UMAD1: variants seen among roughly 807,000 people sequenced by gnomAD.
The protein encoded by UMAD1 is UBAP1-MVB12-associated (UMA)-domain containing protein 1.
A neutral mutation model predicts 6.1 loss-of-function variants in UMAD1; 8 were observed. That is an observed-to-expected ratio of 1.30 (90% CI 0.76 to 2.35). The LOEUF (loss-of-function observed/expected upper bound fraction) is 2.35, where lower values mean the gene tolerates loss of function less well. Among genes scored for constraint, UMAD1 ranks in the 30% most tolerant of loss-of-function variants. The pLI is 0.00. For missense variants in UMAD1, 130 were observed against 78.4 expected (o/e 1.66, Z -2.49); for synonymous variants, 56 against 31.4 (o/e 1.78, Z -2.61).
chr7:7,878,219 G>A lies in UMAD1; in HGVS notation c.*681G>A, dbSNP rs368159030. 6.6e-6 allele frequency: 1 copy of A among 152,286 alleles called. No homozygotes were observed. Among genetic ancestry groups the A allele is most frequent in the Non-Finnish European group, 1.5e-5 (1 of 68,120 alleles). 9.4% of individuals were successfully genotyped at this position (152,286 alleles called of 1,614,324 possible). A position where few individuals can be genotyped will look rare whatever the true frequency, so the allele number is the denominator to read the frequency against. ...TGTTCTCTGCCTTTTTGCTACTTCA[G>A]TGTGCTCTCTGACCAGCTTTCCAAA... On this transcript the variant is annotated 3_prime_UTR_variant, in exon 4 of 4. Coordinates refer to ENST00000682710, the MANE Select transcript of UMAD1 (RefSeq NM_001302348.2).
At chr7:7,807,387 T>TTTA (rs1269150851) in intron 3 of UMAD1, among the ~76,000 whole-genome samples, 1 of 152,108 alleles carries the variant, frequency 6.6e-6, no homozygotes, top group Non-Finnish European at 1.5e-5. Flanking sequence ...GTGAAATTGC[T>TTTA]TTACACACGT....
chr7:7,786,473 A>G (rs1325820185), intron 2 of UMAD1, among the ~76,000 whole-genome samples: 1 of 152,178 alleles, frequency 6.6e-6, no homozygotes, highest in East Asian at 1.9e-4. Context: ...GTCAACCATC[A>G]TCATTTACTA....
At chr7:7,728,363 A>G (rs1392298964) in intron 2 of UMAD1, among the ~76,000 whole-genome samples, 1 of 152,182 alleles carries the variant, frequency 6.6e-6, no homozygotes, top group Non-Finnish European at 1.5e-5. Context: ...AACCTATCTC[A>G]GGCCGGGCAC....
intron 2 of UMAD1, among the ~76,000 whole-genome samples, chr7:7,767,524 G>T (rs1462777126): frequency 3.9e-5 from 6 of 152,154 alleles, no homozygotes; most frequent in African/African-American, 1.4e-4. Context: ...CTGGAAAGCA[G>T]CATTTTTACA....
intron 2 of UMAD1, among the ~76,000 whole-genome samples, chr7:7,689,066 A>G (rs1006980973): frequency 6.6e-6 from 1 of 152,090 alleles, no homozygotes. Context: ...CTGCTTGACC[A>G]TGCGTTTTAG....
At chr7:7,775,541 A>G (rs1055917463) in intron 2 of UMAD1, among the ~76,000 whole-genome samples, 1 of 152,212 alleles carries the variant, frequency 6.6e-6, no homozygotes, top group Non-Finnish European at 1.5e-5. Context: ...CTGTGAGTCA[A>G]TTAAACCTCT....
chr7:7,854,441 T>C (rs187391666), intron 3 of UMAD1, among the ~76,000 whole-genome samples: 131 of 146,092 alleles, frequency 9.0e-4, no homozygotes, highest in African/African-American at 3.1e-3. Context: ...AAACTTACAA[T>C]CATGGCAGAA....
chr7:7,701,674 T>G (rs1055537457), intron 2 of UMAD1, among the ~76,000 whole-genome samples: 31 of 152,196 alleles, frequency 2.0e-4, no homozygotes, highest in African/African-American at 7.5e-4. Context: ...GGAGGCTGAT[T>G]AGGATGATTA....
chr7:7,793,720 GA>G (rs1197802238), intron 2 of UMAD1, among the ~76,000 whole-genome samples: 1 of 152,084 alleles, frequency 6.6e-6, no homozygotes, highest in Non-Finnish European at 1.5e-5. Flanking sequence ...ACATTGAAAG[GA>G]AAAAAGTGTG....
chr7:7,644,794 T>C (rs1785059081), intron 1 of UMAD1, among the ~76,000 whole-genome samples: 1 of 152,194 alleles, frequency 6.6e-6, no homozygotes, highest in Non-Finnish European at 1.5e-5. Context: ...GGGAATGTCT[T>C]GGTTATTTTT....
chr7:7,844,702 T>A (rs1563253260), intron 3 of UMAD1, among the ~76,000 whole-genome samples: 1 of 152,174 alleles, frequency 6.6e-6, no homozygotes, highest in Admixed American at 6.6e-5. Flanking sequence ...GCTGATTCAT[T>A]AAGTAAGTAC....
chr7:7,805,891 CTA>C (rs1491463869), intron 3 of UMAD1, among the ~76,000 whole-genome samples: 3 of 124,994 alleles, frequency 2.4e-5, no homozygotes, highest in Admixed American at 2.3e-4. Context: ...CACTTAATCA[CTA>C]TGTCGGATTA....
At chr7:7,768,071 G>A (rs1782028874) in intron 2 of UMAD1, among the ~76,000 whole-genome samples, 1 of 151,806 alleles carries the variant, frequency 6.6e-6, no homozygotes, top group South Asian at 2.1e-4. Flanking sequence ...AAAATTTCTA[G>A]CCCATAGGAA....
At chr7:7,796,292 C>A (rs1265504436) in intron 2 of UMAD1, among the ~76,000 whole-genome samples, 8 of 110,332 alleles carry the variant, frequency 7.3e-5, no homozygotes, top group Non-Finnish European at 1.3e-4. Flanking sequence ...GCTCTTCTTG[C>A]CCAGGCTGGA....
At chr7:7,730,727 A>G (rs1362830720) in intron 2 of UMAD1, among the ~76,000 whole-genome samples, 4 of 152,192 alleles carry the variant, frequency 2.6e-5, no homozygotes, top group African/African-American at 7.2e-5. Context: ...ACCTGGGGGA[A>G]AAAAAACCCT....
chr7:7,756,294 A>G (rs1484779295), intron 2 of UMAD1, among the ~76,000 whole-genome samples: 1 of 152,220 alleles, frequency 6.6e-6, no homozygotes, highest in African/African-American at 2.4e-5. Flanking sequence ...GAGCTTGTTA[A>G]TGTGCTCAGA....
intron 2 of UMAD1, among the ~76,000 whole-genome samples, chr7:7,724,255 A>G (rs948114705): frequency 6.6e-5 from 10 of 152,224 alleles, no homozygotes; most frequent in African/African-American, 1.4e-4. Context: ...GGGGGACCCA[A>G]TGTGGTCTTC....
chr7:7,842,574 G>A (rs906325248), intron 3 of UMAD1, among the ~76,000 whole-genome samples: 2 of 151,220 alleles, frequency 1.3e-5, no homozygotes, highest in Admixed American at 6.6e-5. Flanking sequence ...TTCCCTGATG[G>A]TATTGAGTAA....
chr7:7,742,123 C>G (rs545570770), intron 2 of UMAD1: 7 of 611,866 alleles, frequency 1.1e-5, no homozygotes, highest in South Asian at 9.6e-5. Context: ...TCCAAAGCAT[C>G]GTAATCAGGA....
Sources: allele counts gnomAD v4.1 joint callset (sites outside exome capture counted in the v4.1 genomes callset), GRCh38; gene constraint gnomAD v4.1.1; transcripts MANE v1.5; gene names NCBI Gene and HGNC (gene_info 2026-07-23, HGNC 2026-07-21).